Variants in MTMR14 observed in about 807,000 individuals in gnomAD.
MTMR14 encodes phosphatidylinositol-3,5-bisphosphate 3-phosphatase MTMR14.
A neutral mutation model predicts 86.3 loss-of-function variants in MTMR14; 48 were observed. The ratio of observed to expected loss-of-function variants is 0.56; its 90% CI spans 0.44 to 0.71. The LOEUF (loss-of-function observed/expected upper bound fraction) is 0.71. MTMR14 is among the 30% of genes least tolerant of loss of function. The probability of loss-of-function intolerance (pLI) is 0.00; values close to 1 mark genes in which losing one functional copy is unlikely to be tolerated. For missense variants in MTMR14, 780 were observed against 834.6 expected, an observed-to-expected ratio of 0.93 and a Z score of 0.81; for synonymous variants, 366 against 326.1, an observed-to-expected ratio of 1.12 and a Z score of -1.32.
chr3:9,683,157 C>CT, intron 9 of MTMR14, 21 bp from the exon 10 acceptor site: 1 of 1,610,490 alleles, frequency 6.2e-7, no homozygotes, highest in Non-Finnish European at 8.5e-7. Flanking sequence ...ATGTCCATTT[C>CT]TTCTCACTTT....
chr3:9,683,140 T>A lies in MTMR14; in HGVS notation c.898-38T>A, dbSNP rs184386907. 89 of 1,581,122 alleles carry A rather than the reference T, an allele frequency of 5.6e-5. No individual in the cohort carries two copies. In the Admixed American group the frequency reaches 1.4e-3, roughly 25 times the overall value. ...TTTTAAATACTTTAAATTCTAAATCTGAGTTAATGTCCATTTCTTCTCACT... is the reference window on the plus strand; with the variant it reads ...TTTTAAATACTTTAAATTCTAAATCAGAGTTAATGTCCATTTCTTCTCACT... On this transcript the variant is annotated intron_variant, in intron 9 of 18. Coordinates refer to ENST00000296003, the MANE Select transcript of MTMR14 (RefSeq NM_001077525.3).
At chr3:9,653,318 TA>T (rs2047413201) in intron 1 of MTMR14, among the ~76,000 whole-genome samples, 1 of 152,196 alleles carries the variant, frequency 6.6e-6, no homozygotes, top group African/African-American at 2.4e-5. Flanking sequence ...CAAGAGTTCT[TA>T]TGTTTTATGG....
chr3:9,664,995 A>G (rs911570689), intron 3 of MTMR14, among the ~76,000 whole-genome samples: 1 of 152,154 alleles, frequency 6.6e-6, no homozygotes, highest in South Asian at 2.1e-4. Context: ...GCCTGTATCA[A>G]AATATCGGCC....
In MTMR14 at chr3:9,670,912, C is replaced by T. The variant is rs1207998366; in HGVS notation, c.555-136C>T. The T allele has an allele frequency of 1.0e-5, 11 of 1,082,946 alleles. No individual in the cohort carries two copies. In the Admixed American group the frequency reaches 1.2e-4, roughly 12 times the overall value. The allele number at this position is 1,082,946 out of a possible 1,614,324, so 67.1% of individuals were successfully genotyped here. On this transcript the variant is annotated intron_variant, in intron 5 of 18. Coordinates refer to ENST00000296003, the MANE Select transcript of MTMR14 (RefSeq NM_001077525.3). ...CGCTGAAATCAGTTGTCCTGTTTGG[C>T]ACCCATGCGTCCACCTAGCACACGC...
chr3:9,656,023 C>T (rs968771120), intron 2 of MTMR14, among the ~76,000 whole-genome samples: 5 of 151,804 alleles, frequency 3.3e-5, no homozygotes, highest in Non-Finnish European at 7.4e-5. Flanking sequence ...GGTGAAACCC[C>T]GTATCTACTA....
At position 9,695,367 on chromosome 3, in the gene MTMR14, A is replaced by G. The variant is rs570000978; in HGVS notation, c.1614-2344A>G. ...GCCTCACGTAGGAAGACTCCTTTGT[A>G]GCCAGTGTGCTCACTCTTGAAAAAT... is the stretch of plus-strand genomic sequence containing the variant. On this transcript the variant is annotated intron_variant, in intron 17 of 18. Transcript: ENST00000296003. Among the ~76,000 whole-genome samples, 3 of 152,300 alleles carry G rather than the reference A, an allele frequency of 2.0e-5. No homozygotes were observed. The South Asian group carries it at 6.2e-4, about 32-fold the overall frequency.
In MTMR14 at chr3:9,677,346, C is replaced by A. The variant is rs758396423; in HGVS notation, c.781C>A (p.Arg261=). 2 of 1,613,850 alleles carry A rather than the reference C, an allele frequency of 1.2e-6. No individual in the cohort carries two copies. The highest frequency in any genetic ancestry group is 1.1e-5 in the South Asian group (1 of 91,068). The change falls in exon 8 of 19, where the codon CGG becomes AGG. Residue 261 remains arginine (R), a synonymous_variant. Transcript: ENST00000296003. This position sits in a 1 kb window ranked among gnomAD's most constrained non-coding sequence, Gnocchi z 4.2. ...TGAATTTTTCAAGGAATATAAAGAT[C>A]GGGATTACATGGCAGAAGGGCTCAT... ...GCEFFKEYKD[R]DYMAEGLIFN... is the part of the protein sequence containing the mutation.
At chr3:9,684,730 G>A in intron 11 of MTMR14, 60 bp downstream of exon 11, 1 of 1,587,968 alleles carries the variant, frequency 6.3e-7, no homozygotes, top group African/African-American at 1.3e-5. Flanking sequence ...ATTGTCTCCA[G>A]ACAGAGGGTG....
chr3:9,682,972 A>C (rs1235434767), intron 9 of MTMR14, among the ~76,000 whole-genome samples: 1 of 140,162 alleles, frequency 7.1e-6, no homozygotes, highest in South Asian at 2.5e-4. Context: ...GGGGGTCCAC[A>C]GGCTGAGTGG....
chr3:9,656,419 G>A (rs77622457), intron 2 of MTMR14, among the ~76,000 whole-genome samples: 1 of 146,580 alleles, frequency 6.8e-6, no homozygotes, highest in East Asian at 1.9e-4. Flanking sequence ...AATTAGGTAA[G>A]CTTAGTTTCT....
chr3:9,676,927 C>T (rs2075600470), intron 7 of MTMR14, among the ~76,000 whole-genome samples: 1 of 152,248 alleles, frequency 6.6e-6, no homozygotes, highest in Non-Finnish European at 1.5e-5. Flanking sequence ...GAGTGATCCT[C>T]TGCAGCTAGG....
At chr3:9,695,088 C>G in intron 17 of MTMR14, among the ~76,000 whole-genome samples, 1 of 152,186 alleles carries the variant, frequency 6.6e-6, no homozygotes. Flanking sequence ...CTGTTTGCTG[C>G]TCAGGGCAAA....
intron 9 of MTMR14, among the ~76,000 whole-genome samples, chr3:9,679,939 C>T (rs1456002242): frequency 5.3e-5 from 8 of 152,130 alleles, no homozygotes; most frequent in Non-Finnish European, 1.0e-4. Context: ...ACTGGGGCTC[C>T]TAGCATGCTC....
In MTMR14 at chr3:9,701,540, G is replaced by A. The variant is rs1010840783; in HGVS notation, c.1770-250G>A. On this transcript the variant is annotated intron_variant, in intron 18 of 18. Coordinates refer to ENST00000296003, the MANE Select transcript of MTMR14 (RefSeq NM_001077525.3). This position sits in a 1 kb window ranked among gnomAD's most constrained non-coding sequence, Gnocchi z 4.2. ...TTGTCTCAAGAAAAAAAAAAAAAAG[G>A]TTAGTGTCCCAGTAAAAGCTCCTGC... is the stretch of plus-strand genomic sequence containing the variant. 1 of 555,128 alleles carries A rather than the reference G, an allele frequency of 1.8e-6. No individual in the cohort carries two copies. The highest frequency in any genetic ancestry group is 3.2e-6 in the Non-Finnish European group (1 of 310,122). The allele number at this position is 555,128 out of a possible 1,614,324, so 34.4% of individuals were successfully genotyped here. A position where few individuals can be genotyped will look rare whatever the true frequency, so the allele number is the denominator to read the frequency against.
intron 2 of MTMR14, among the ~76,000 whole-genome samples, chr3:9,658,598 A>G (rs975422003): frequency 6.6e-6 from 1 of 152,218 alleles, no homozygotes; most frequent in African/African-American, 2.4e-5. Context: ...CCCAGTGGCT[A>G]CCCACAGGGT....
rs181468125 is a variant in MTMR14, at chr3:9,697,732, C to T, written c.1635C>T (p.Pro545=). 2.2e-5 allele frequency: 35 copies of T among 1,614,110 alleles called. No homozygotes were observed. The Admixed American group carries it at 3.2e-4, about 15-fold the overall frequency. ...CCAGATCAGTGGACCATCCCCTGCC[C>T]GGATCCTCTCTCTCCACAGACTATG... ...PKPRSVDHPL[P]GSSLSTDYGS... Residue 545 remains proline (P), a synonymous_variant, in exon 18 of 19, where the codon CCC becomes CCT. Coordinates refer to ENST00000296003, the MANE Select transcript of MTMR14 (RefSeq NM_001077525.3).
chr3:9,674,985 C>T (rs1217296268), intron 7 of MTMR14, among the ~76,000 whole-genome samples: 1 of 152,236 alleles, frequency 6.6e-6, no homozygotes, highest in Non-Finnish European at 1.5e-5. Flanking sequence ...GTGGCGCATG[C>T]CTGTAATCCC....
intron 17 of MTMR14, among the ~76,000 whole-genome samples, chr3:9,691,388 G>A (rs969517881): frequency 6.6e-5 from 10 of 152,234 alleles, no homozygotes; most frequent in Non-Finnish European, 1.5e-4. Flanking sequence ...ACCCTTGTCT[G>A]TGCCCAGCTG....
At chr3:9,689,232 C>T in intron 16 of MTMR14, 150 bp downstream of exon 16, 1 of 1,272,086 alleles carries the variant, frequency 7.9e-7, no homozygotes, top group Non-Finnish European at 1.1e-6. Context: ...TCTACTGGGC[C>T]TCAGAAGTCA....
Sources: gnomAD v4.1 joint callset for allele counts (sites outside exome capture counted in the v4.1 genomes callset) on GRCh38, gnomAD v4.1.1 for gene constraint, Gnocchi (gnomAD v3.1) non-coding constraint, MANE v1.5 for transcripts, NCBI Gene and HGNC (gene_info 2026-07-23, HGNC 2026-07-21) for gene names.